MLIP: variants seen among roughly 807,000 people sequenced by gnomAD.
MLIP encodes muscular LMNA-interacting protein.
A neutral mutation model predicts 84.8 loss-of-function variants in MLIP; 79 were observed. The observed-to-expected ratio is 0.93, with a 90% CI of 0.78 to 1.12. The LOEUF (loss-of-function observed/expected upper bound fraction) is 1.12, where lower values mean the gene tolerates loss of function less well. Ranked by LOEUF, MLIP falls within the 50% of genes most tolerant of loss-of-function variation. The pLI is 0.00. For synonymous variants in MLIP, 504 were observed against 463.0 expected (o/e 1.09, Z -1.14); for missense variants, 1,257 against 1,160.6 (o/e 1.08, Z -1.21).
intron 12 of MLIP, among the ~76,000 whole-genome samples, chr6:54,235,505 A>G (rs1781303124): frequency 6.6e-6 from 1 of 151,964 alleles, no homozygotes; most frequent in Non-Finnish European, 1.5e-5. Flanking sequence ...GTCATCTTGT[A>G]TTTATTTGTT....
At chr6:54,247,072 T>C (rs1166839316) in intron 12 of MLIP, among the ~76,000 whole-genome samples, 2 of 152,160 alleles carry the variant, frequency 1.3e-5, no homozygotes, top group African/African-American at 4.8e-5. Flanking sequence ...TTAAGACAGG[T>C]TTTTATTTAG....
chr6:54,101,418 TA>T (rs1768637376), intron 1 of MLIP, among the ~76,000 whole-genome samples: 1 of 59,394 alleles, frequency 1.7e-5, no homozygotes, highest in African/African-American at 8.5e-5. Flanking sequence ...ATATGTCACT[TA>T]ATTTAATTTT....
At chr6:54,180,528 CTTTT>C (rs1159110023) in intron 9 of MLIP, among the ~76,000 whole-genome samples, 1 of 152,010 alleles carries the variant, frequency 6.6e-6, no homozygotes, top group Non-Finnish European at 1.5e-5. Flanking sequence ...GTTTTTTATT[CTTTT>C]TTGTCTCCTC....
At chr6:54,050,416 T>C (rs554145233) in intron 1 of MLIP, among the ~76,000 whole-genome samples, 2 of 152,268 alleles carry the variant, frequency 1.3e-5, no homozygotes, top group Admixed American at 1.3e-4. Context: ...CATGAATTCA[T>C]TCTGCATATA....
intron 1 of MLIP, among the ~76,000 whole-genome samples, chr6:54,118,429 A>G (rs1460891895): frequency 6.6e-6 from 1 of 152,228 alleles, no homozygotes; most frequent in Non-Finnish European, 1.5e-5. Flanking sequence ...CAATGGGGAA[A>G]AGTCAGTCTC....
chr6:54,117,961 C>T (rs527794745), intron 1 of MLIP, among the ~76,000 whole-genome samples: 1 of 128,500 alleles, frequency 7.8e-6, no homozygotes, highest in African/African-American at 3.2e-5. Context: ...ACAACAACAA[C>T]AACAACAGCA....
At chr6:54,201,149 A>T (rs1047576416) in intron 10 of MLIP, among the ~76,000 whole-genome samples, 4 of 152,222 alleles carry the variant, frequency 2.6e-5, no homozygotes, top group South Asian at 4.1e-4. Context: ...TCACATTTTG[A>T]AATTACCCCA....
chr6:54,052,689 TA>T (rs1467867771), intron 1 of MLIP, among the ~76,000 whole-genome samples: 1 of 152,148 alleles, frequency 6.6e-6, no homozygotes, highest in African/African-American at 2.4e-5. Context: ...TTTTTGGAGA[TA>T]AATTATAAGG....
At chr6:54,158,135 C>T (rs930492485) in intron 5 of MLIP, among the ~76,000 whole-genome samples, 2 of 151,882 alleles carry the variant, frequency 1.3e-5, no homozygotes, top group African/African-American at 4.8e-5. Flanking sequence ...GATGGAGATC[C>T]CTGGTTGTTA....
At chr6:54,025,140 C>A (rs757517071) in intron 1 of MLIP, among the ~76,000 whole-genome samples, 1 of 152,032 alleles carries the variant, frequency 6.6e-6, no homozygotes, top group African/African-American at 2.4e-5. Context: ...TGAGCCGTTG[C>A]GCCCGGCCTG....
intron 9 of MLIP, among the ~76,000 whole-genome samples, chr6:54,174,874 G>T (rs1776127020): frequency 6.6e-6 from 1 of 152,024 alleles, no homozygotes; most frequent in African/African-American, 2.4e-5. Flanking sequence ...CAGTCTCATA[G>T]TTTGAGGTCT....
At chr6:54,238,141 T>C (rs566586606) in intron 12 of MLIP, among the ~76,000 whole-genome samples, 17 of 149,858 alleles carry the variant, frequency 1.1e-4, no homozygotes, top group African/African-American at 4.1e-4. Context: ...CCATTTTCTA[T>C]TTTTAAAAAT....
Position 54,181,117 on chromosome 6 carries a change from G to A in MLIP, c.2545-8753G>A, listed in dbSNP as rs80303908. Among the ~76,000 whole-genome samples, 1,283 of 152,212 alleles carry A rather than the reference G, an allele frequency of 8.4e-3. 20 individuals carry two copies. Among genetic ancestry groups the A allele is most frequent in the African/African-American group, 0.029 (1,190 of 41,538 alleles). The stretch of plus-strand genomic sequence containing the variant: ...TGTGGCAAGTTCCCCCAGGCCCTCC[G>A]CGGTTCCACAAATGTTGTCTGGGAG... On this transcript the variant is annotated intron_variant, in intron 9 of 13. Transcript: ENST00000502396.
intron 10 of MLIP, 29 bp downstream of exon 10, chr6:54,189,943 T>C (rs771459620): frequency 3.3e-6 from 5 of 1,503,712 alleles, no homozygotes; most frequent in Admixed American, 1.7e-5. Context: ...ACAGATCTAC[T>C]GCAAATTCTG....
At chr6:54,113,277 C>T (rs1235589190) in intron 1 of MLIP, among the ~76,000 whole-genome samples, 1 of 152,114 alleles carries the variant, frequency 6.6e-6, no homozygotes, top group Non-Finnish European at 1.5e-5. Context: ...ATTTCTTACT[C>T]AAATGAAATT....
intron 4 of MLIP, among the ~76,000 whole-genome samples, chr6:54,142,918 C>CA (rs199515086): frequency 0.036 from 5,318 of 148,946 alleles, 278 homozygotes; most frequent in African/African-American, 0.11. Context: ...ACAACAACAA[C>CA]AAAAAAAAAA....
Position 54,048,110 on chromosome 6 carries a change from G to C in MLIP, c.63+29019G>C, listed in dbSNP as rs149980996. 3.5e-3 allele frequency among the ~76,000 whole-genome samples: 540 copies of C among 152,270 alleles called. 1 individual carries two copies. The highest frequency in any genetic ancestry group is 5.2e-3 in the Non-Finnish European group (353 of 68,014). ...AGAAGGGAGGTGGTACTGTAGGAGAGGTATTTCTAGATTTAGGCATTGAGA... is the reference window on the plus strand; with the variant it reads ...AGAAGGGAGGTGGTACTGTAGGAGACGTATTTCTAGATTTAGGCATTGAGA... On this transcript the variant is annotated intron_variant, in intron 1 of 12. Transcript: ENST00000274897.
chr6:54,140,208 A>G (rs1348770754), intron 4 of MLIP, among the ~76,000 whole-genome samples: 1 of 152,178 alleles, frequency 6.6e-6, no homozygotes, highest in Non-Finnish European at 1.5e-5. Context: ...ATTTCACTCT[A>G]GAAGCTTTTT....
intron 11 of MLIP, among the ~76,000 whole-genome samples, chr6:54,210,021 G>A (rs564375064): frequency 6.7e-3 from 1,009 of 149,564 alleles, no homozygotes; most frequent in Non-Finnish European, 0.01. Flanking sequence ...ACAGTTAATG[G>A]TTTAGAACTT....
Sources: gnomAD v4.1 joint callset for allele counts (sites outside exome capture counted in the v4.1 genomes callset) on GRCh38, gnomAD v4.1.1 for gene constraint, MANE v1.5 for transcripts, NCBI Gene and HGNC (gene_info 2026-07-23, HGNC 2026-07-21) for gene names.